Variants in CDH19 observed in about 807,000 individuals in gnomAD.
The protein encoded by CDH19 is cadherin-19.
Under a neutral mutation model 64.2 loss-of-function variants are expected in CDH19, and 67 were observed. The observed-to-expected ratio is 1.04, with a 90% CI of 0.86 to 1.28. The LOEUF (loss-of-function observed/expected upper bound fraction) is 1.28, where lower values mean the gene tolerates loss of function less well. Ranked by LOEUF, CDH19 falls within the 50% of genes most tolerant of loss-of-function variation. The pLI is 0.00. For missense variants in CDH19, 1,030 were observed against 929.0 expected, an observed-to-expected ratio of 1.11 and a Z score of -1.41; for synonymous variants, 346 against 319.3, an observed-to-expected ratio of 1.08 and a Z score of -0.89.
intron 1 of CDH19, among the ~76,000 whole-genome samples, chr18:66,576,690 A>G (rs1341180033): frequency 1.3e-5 from 2 of 151,640 alleles, no homozygotes; most frequent in Admixed American, 6.6e-5. Flanking sequence ...TATAATTCAA[A>G]TTGATTCATT....
chr18:66,603,163 GT>G (rs1334709846), intron 1 of CDH19, among the ~76,000 whole-genome samples: 2 of 150,466 alleles, frequency 1.3e-5, no homozygotes, highest in South Asian at 2.1e-4. Context: ...AATATTTTAT[GT>G]TTTTATATTT....
intron 2 of CDH19, 37 bp from the exon 3 acceptor site, chr18:66,568,747 A>G (rs1208655939): frequency 2.7e-6 from 4 of 1,496,976 alleles, no homozygotes; most frequent in Non-Finnish European, 3.6e-6. Context: ...GTTTCCAAAC[A>G]TCTGAAATGG....
chr18:66,522,628 T>C (rs944723064), intron 9 of CDH19, among the ~76,000 whole-genome samples: 11 of 151,798 alleles, frequency 7.2e-5, no homozygotes, highest in South Asian at 6.2e-4. Flanking sequence ...TTTTTATCCT[T>C]TTTCTTTTAA....
Position 66,572,060 on chromosome 18 carries a change from G to T in CDH19, c.145C>A (p.Gln49Lys), listed in dbSNP as rs776785160. Residue 49 changes from glutamine to lysine, a missense_variant, in exon 2 of 12, where the codon CAA becomes AAA. Gln to Lys is a moderately conservative substitution (Grantham distance 53). Transcript: ENST00000262150. ...TTCATTTCCTCTGGTACAAAAAATT[G>T]GTTCCACACCCAGCCACGCTTCACT... The part of the protein sequence containing the change: ...LRVKRGWVWN[Q>K]FFVPEEMNTT... 1.2e-6 allele frequency: 2 copies of T among 1,611,330 alleles called. No homozygotes were observed. The highest frequency in any genetic ancestry group is 1.7e-5 in the Admixed American group (1 of 59,686).
At position 66,572,287 on chromosome 18, in the gene CDH19, C is replaced by A. The variant is rs1249559307; in HGVS notation, c.-83G>T. The A allele has an allele frequency of 5.5e-6, 6 of 1,093,202 alleles. No individual in the cohort carries two copies. The highest frequency in any genetic ancestry group is 6.6e-6 in the Non-Finnish European group (5 of 758,700). The allele number at this position is 1,093,202 out of a possible 1,614,324, so 67.7% of individuals were successfully genotyped here. A position where few individuals can be genotyped will look rare whatever the true frequency, so the allele number is the denominator to read the frequency against. The stretch of plus-strand genomic sequence containing the variant: ...CAAAAATCTTGCTTTCTTTTATAAT[C>A]TTTTCTGATTCTGTGTACCTTCTAT... On this transcript the variant is annotated 5_prime_UTR_variant, in exon 2 of 12. Transcript: ENST00000262150.
At chr18:66,592,270 C>T (rs933805471) in intron 1 of CDH19, among the ~76,000 whole-genome samples, 2 of 151,650 alleles carry the variant, frequency 1.3e-5, no homozygotes, top group African/African-American at 2.4e-5. Flanking sequence ...AATAATTGTA[C>T]ATATTTATGG....
chr18:66,565,374 ATT>A (rs1343932797), intron 3 of CDH19, among the ~76,000 whole-genome samples: 3 of 152,016 alleles, frequency 2.0e-5, no homozygotes, highest in Non-Finnish European at 2.9e-5. Flanking sequence ...CCCTTCAGTA[ATT>A]CAAACCAAAT....
intron 1 of CDH19, among the ~76,000 whole-genome samples, chr18:66,589,325 C>A (rs991073043): frequency 6.6e-6 from 1 of 150,958 alleles, no homozygotes; most frequent in Non-Finnish European, 1.5e-5. Flanking sequence ...TTCTTCGAAC[C>A]AACAGTGTAT....
In CDH19 at chr18:66,544,754, G is replaced by A. The variant is rs1568189393; in HGVS notation, c.925C>T (p.His309Tyr). Residue 309 changes from histidine (H) to tyrosine (Y), a missense_variant, in exon 6 of 12, where the codon CAT (histidine) becomes TAT (tyrosine). Transcript: ENST00000262150. ...ATAACTATTCCTTCTTGAGTTTCATGATTAGTAATAATGTCAAATGTTTGC... is the reference window on the plus strand; with the variant it reads ...ATAACTATTCCTTCTTGAGTTTCATAATTAGTAATAATGTCAAATGTTTGC... ...DSQTFDIITN[H>Y]ETQEGIVILK... The A allele has an allele frequency of 3.7e-6, 6 of 1,610,078 alleles. No individual in the cohort carries two copies. Among genetic ancestry groups the A allele is most frequent in the Non-Finnish European group, 5.1e-6 (6 of 1,177,638 alleles).
intron 1 of CDH19, among the ~76,000 whole-genome samples, chr18:66,574,500 A>AG (rs2144587622): frequency 6.6e-6 from 1 of 151,686 alleles, no homozygotes; most frequent in Admixed American, 6.6e-5. Context: ...ATTCACACTG[A>AG]GAAAAAAAAA....
At chr18:66,505,384 C>A in intron 11 of CDH19, 82 bp from the exon 12 acceptor site, 1 of 1,100,276 alleles carries the variant, frequency 9.1e-7, no homozygotes, top group South Asian at 2.5e-5. Context: ...ATTTCAAGCT[C>A]AAGATGAGTG....
intron 1 of CDH19, among the ~76,000 whole-genome samples, chr18:66,586,206 T>C (rs149145479): frequency 2.2e-4 from 33 of 152,154 alleles, no homozygotes; most frequent in Middle Eastern, 3.4e-3. Flanking sequence ...TAGAAAAATA[T>C]TGAGTAGGCG....
Position 66,562,392 on chromosome 18 carries a change from A to G in CDH19, c.490+6024T>C, listed in dbSNP as rs1476489492. 2.6e-5 allele frequency among the ~76,000 whole-genome samples: 4 copies of G among 151,902 alleles called. No homozygotes were observed. In the South Asian group the frequency reaches 6.2e-4, roughly 24 times the overall value. On this transcript the variant is annotated intron_variant, in intron 3 of 11. Transcript: ENST00000262150. ...AGATTCCTCACATGTGCAGTTCACA[A>G]TAGGGTTTGCAATCCTATGAAAATC...
chr18:66,582,902 T>C (rs972000861), intron 1 of CDH19, among the ~76,000 whole-genome samples: 10 of 152,112 alleles, frequency 6.6e-5, no homozygotes, highest in African/African-American at 2.4e-4. Flanking sequence ...ACATTAAGAC[T>C]GAGTGTGCAA....
chr18:66,578,797 G>A (rs1988339930), intron 1 of CDH19, among the ~76,000 whole-genome samples: 1 of 151,954 alleles, frequency 6.6e-6, no homozygotes, highest in South Asian at 2.1e-4. Context: ...ATATGTCTAT[G>A]CAATGTAATG....
At position 66,509,178 on chromosome 18, in the gene CDH19, A is replaced by G. The variant is rs763120390; in HGVS notation, c.1645T>C (p.Ser549Pro). The change falls in exon 11 of 12, where the codon TCC (serine) becomes CCC (proline). Residue 549 changes from serine to proline, a missense_variant. Coordinates refer to ENST00000262150, the MANE Select transcript of CDH19 (RefSeq NM_021153.4). ...NLQEEPVFYI[S>P]ILIADNGIPS... ...ATTCCATTGTCGGCAATTAAGATGG[A>G]GATGTAGAAGACAGGTTCTTCTTGA... 1.2e-6 allele frequency: 2 copies of G among 1,612,644 alleles called. No homozygotes were observed. Among genetic ancestry groups the G allele is most frequent in the South Asian group, 2.2e-5 (2 of 91,054 alleles).
chr18:66,523,182 A>C (rs965517873), intron 9 of CDH19, among the ~76,000 whole-genome samples: 45 of 152,164 alleles, frequency 3.0e-4, no homozygotes, highest in Non-Finnish European at 5.9e-4. Flanking sequence ...GACTGATTCC[A>C]TATCTAGGAC....
intron 3 of CDH19, among the ~76,000 whole-genome samples, chr18:66,565,324 T>C (rs1010991364): frequency 1.3e-5 from 2 of 152,010 alleles, no homozygotes; most frequent in African/African-American, 4.8e-5. Flanking sequence ...AAGTTAATAA[T>C]TTTCTTGATT....
chr18:66,558,874 T>G (rs1368435113), intron 3 of CDH19, among the ~76,000 whole-genome samples: 1 of 152,080 alleles, frequency 6.6e-6, no homozygotes, highest in Non-Finnish European at 1.5e-5. Flanking sequence ...AGCATTTGTC[T>G]GTAATATCAG....
Sources: gnomAD v4.1 joint callset for allele counts (sites outside exome capture counted in the v4.1 genomes callset) on GRCh38, gnomAD v4.1.1 for gene constraint, MANE v1.5 for transcripts, NCBI Gene and HGNC (gene_info 2026-07-23, HGNC 2026-07-21) for gene names.